Variants in VRK1 observed in about 807,000 individuals in gnomAD.
VRK1 encodes VRK serine/threonine kinase 1, also known as serine/threonine-protein kinase VRK1.
VRK1 carries 33 observed loss-of-function variants against 57.1 expected under a neutral mutation model. The ratio of observed to expected loss-of-function variants is 0.58; its 90% CI spans 0.44 to 0.77. The LOEUF (loss-of-function observed/expected upper bound fraction) is 0.77, where lower values mean the gene tolerates loss of function less well. VRK1 is among the 30% of genes least tolerant of loss of function. VRK1 has a pLI of 0.00. For synonymous variants in VRK1, 137 were observed against 147.8 expected (o/e 0.93, Z 0.53); for missense variants, 413 against 477.3 (o/e 0.87, Z 1.25).
chr14:96,861,749 A>G (rs896144100), intron 11 of VRK1, among the ~76,000 whole-genome samples: 1 of 152,174 alleles, frequency 6.6e-6, no homozygotes, highest in African/African-American at 2.4e-5. Context: ...ACATGCATCT[A>G]CATATACTTT....
At chr14:96,809,306 T>C (rs1476359667) in intron 1 of VRK1, among the ~76,000 whole-genome samples, 23 of 152,180 alleles carry the variant, frequency 1.5e-4, no homozygotes, top group Admixed American at 1.4e-3. Context: ...CTCATGTCTT[T>C]ATGAGAGGTG....
intron 1 of VRK1, among the ~76,000 whole-genome samples, chr14:96,823,982 G>A (rs1886705084): frequency 6.6e-6 from 1 of 152,184 alleles, no homozygotes; most frequent in South Asian, 2.1e-4. Flanking sequence ...GTGCTGCTGT[G>A]CACATGGGTG....
intron 5 of VRK1, among the ~76,000 whole-genome samples, chr14:96,851,264 C>T (rs1285369110): frequency 6.6e-6 from 1 of 151,958 alleles, no homozygotes; most frequent in Non-Finnish European, 1.5e-5. Flanking sequence ...CCTTAGCCTC[C>T]CGAGTTGCTG....
rs377760724 is a variant in VRK1 at position 96,800,844 on chromosome 14, G to T, written c.-6+3397G>T. Among the ~76,000 whole-genome samples, 225 of 152,062 alleles carry T rather than the reference G, an allele frequency of 1.5e-3. 9 individuals are homozygous for T. The South Asian group carries it at 0.046, about 31-fold the overall frequency. On this transcript the variant is annotated intron_variant, in intron 1 of 12. Transcript: ENST00000216639. The stretch of plus-strand genomic sequence containing the variant: ...ATTCATTAAATGGGAAGATATACTA[G>T]ATGAAGTAAATAATTAAATTGCAAG...
At chr14:96,848,277 T>A (rs765898654) in intron 5 of VRK1, among the ~76,000 whole-genome samples, 56 of 152,132 alleles carry the variant, frequency 3.7e-4, no homozygotes, top group Non-Finnish European at 6.3e-4. Flanking sequence ...GTATCTATCG[T>A]GTGTTGTGAG....
At chr14:96,870,731 A>G (rs796913714) in intron 11 of VRK1, among the ~76,000 whole-genome samples, 8 of 152,296 alleles carry the variant, frequency 5.3e-5, no homozygotes, top group African/African-American at 1.9e-4. Context: ...ATTGTATGAC[A>G]TTTTGATGAA....
At chr14:96,813,686 G>T (rs931564227) in intron 1 of VRK1, among the ~76,000 whole-genome samples, 1 of 152,038 alleles carries the variant, frequency 6.6e-6, no homozygotes, top group Admixed American at 6.6e-5. Flanking sequence ...GTATGTTTAG[G>T]TTTGATCTTT....
At chr14:96,870,574 C>T (rs1016077540) in intron 11 of VRK1, among the ~76,000 whole-genome samples, 4 of 152,036 alleles carry the variant, frequency 2.6e-5, no homozygotes, top group Non-Finnish European at 2.9e-5. Flanking sequence ...ACTGACTATA[C>T]GTTTGATCAT....
chr14:96,845,607 C>G (rs2139777988), intron 3 of VRK1, among the ~76,000 whole-genome samples: 1 of 152,146 alleles, frequency 6.6e-6, no homozygotes, highest in Non-Finnish European at 1.5e-5. Flanking sequence ...ATGGGCTCTT[C>G]TTTGTGGTAA....
intron 10 of VRK1, among the ~76,000 whole-genome samples, chr14:96,856,925 G>T (rs1595677905): frequency 6.6e-6 from 1 of 152,112 alleles, no homozygotes; most frequent in African/African-American, 2.4e-5. Context: ...CCGAGATTGT[G>T]CCACTGCACA....
At chr14:96,842,193 C>A (rs1031923247) in intron 3 of VRK1, among the ~76,000 whole-genome samples, 1 of 152,196 alleles carries the variant, frequency 6.6e-6, no homozygotes, top group South Asian at 2.1e-4. Context: ...TTATACTACT[C>A]TTTTCATTTA....
At chr14:96,821,018 C>T (rs1192572006) in intron 1 of VRK1, among the ~76,000 whole-genome samples, 1 of 152,168 alleles carries the variant, frequency 6.6e-6, no homozygotes, top group East Asian at 1.9e-4. Context: ...CAACTGTTCA[C>T]TATCTTTAAT....
At chr14:96,830,744 T>C (rs1044407116) in intron 1 of VRK1, among the ~76,000 whole-genome samples, 2 of 152,214 alleles carry the variant, frequency 1.3e-5, no homozygotes, top group Non-Finnish European at 2.9e-5. Flanking sequence ...TATATGCAAT[T>C]AGTTTTAGAT....
intron 3 of VRK1, among the ~76,000 whole-genome samples, chr14:96,839,464 ATAATATATG>A (rs138008032): frequency 0.014 from 2,109 of 152,290 alleles, 53 homozygotes; most frequent in African/African-American, 0.048. Context: ...ACATTGGCCA[ATAATATATG>A]ACAGTTCTGT....
At chr14:96,856,476 A>G in intron 9 of VRK1, 52 bp from the exon 10 acceptor site, 8 of 1,494,504 alleles carry the variant, frequency 5.4e-6, no homozygotes, top group Non-Finnish European at 6.5e-6. Flanking sequence ...TTTTTATTTC[A>G]TATTAACATA....
intron 8 of VRK1, among the ~76,000 whole-genome samples, chr14:96,855,922 G>A (rs1021593029): frequency 6.6e-5 from 10 of 152,160 alleles, no homozygotes; most frequent in African/African-American, 1.9e-4. Context: ...GGGTTTTAAA[G>A]TAGATTATTA....
At chr14:96,879,003 A>G (rs1889145813) in intron 12 of VRK1, among the ~76,000 whole-genome samples, 1 of 152,120 alleles carries the variant, frequency 6.6e-6, no homozygotes, top group African/African-American at 2.4e-5. Flanking sequence ...ATTTTGGACC[A>G]TTCCTGAGGA....
chr14:96,833,557 T>C lies in VRK1; in HGVS notation c.86T>C (p.Ile29Thr), dbSNP rs189823289. 1 of 1,613,824 alleles carries C rather than the reference T, an allele frequency of 6.2e-7. No homozygotes were observed. Among genetic ancestry groups the C allele is most frequent in the Admixed American group, 1.7e-5 (1 of 60,008 alleles). ...GAACAATTTGCAGTTGGAGAGATAA[T>C]AACTGACATGGCAAAAAAGGAATGG... ...LAEQFAVGEI[I>T]TDMAKKEWKV... The change falls in exon 2 of 13, where the codon ATA (isoleucine) becomes ACA (threonine). Residue 29 changes from isoleucine to threonine, a missense_variant. Ile to Thr is a moderately conservative substitution (Grantham distance 89). Coordinates refer to ENST00000216639, the MANE Select transcript of VRK1 (RefSeq NM_003384.3).
chr14:96,832,351 C>T (rs149196782), intron 1 of VRK1, among the ~76,000 whole-genome samples: 328 of 152,218 alleles, frequency 2.2e-3, no homozygotes, highest in Admixed American at 4.4e-3. Context: ...TCTTTCTTTT[C>T]TATATCTCCA....
Sources: allele counts gnomAD v4.1 joint callset (sites outside exome capture counted in the v4.1 genomes callset), GRCh38; gene constraint gnomAD v4.1.1; transcripts MANE v1.5; gene names NCBI Gene and HGNC (gene_info 2026-07-23, HGNC 2026-07-21).